CTNNA2: variants seen among roughly 807,000 people sequenced by gnomAD.
CTNNA2 encodes the protein catenin alpha-2.
A neutral mutation model predicts 101.0 loss-of-function variants in CTNNA2; 42 were observed. The observed-to-expected ratio is 0.42, with a 90% CI of 0.32 to 0.54. The LOEUF is 0.54. Among genes scored for constraint, CTNNA2 ranks in the 20% least tolerant of loss-of-function variants. The pLI is 0.14. For synonymous variants in CTNNA2, 450 were observed against 456.4 expected, an observed-to-expected ratio of 0.99 and a Z score of 0.18; for missense variants, 871 against 1,223.1, an observed-to-expected ratio of 0.71 and a Z score of 4.29.
At chr2:80,002,241 A>G (rs1174960551) in intron 7 of CTNNA2, among the ~76,000 whole-genome samples, 13 of 152,174 alleles carry the variant, frequency 8.5e-5, no homozygotes. Context: ...CAACTTTTTA[A>G]TGCCTAAGCA....
At chr2:80,484,770 G>A (rs1686417227) in intron 9 of CTNNA2, among the ~76,000 whole-genome samples, 2 of 152,154 alleles carry the variant, frequency 1.3e-5, no homozygotes, top group Non-Finnish European at 2.9e-5. Flanking sequence ...ACTTTGGGAG[G>A]CCAAGGCGGG....
At chr2:79,835,685 T>TTTTTTTGTTTGTTTG (rs1558565804) in intron 3 of CTNNA2, among the ~76,000 whole-genome samples, 3 of 134,358 alleles carry the variant, frequency 2.2e-5, no homozygotes, top group African/African-American at 8.4e-5. Context: ...TTTTTTTTTT[T>TTTTTTTGTTTGTTTG]TTTTTTTTTT....
chr2:80,277,900 G>T (rs1674050093), intron 7 of CTNNA2, among the ~76,000 whole-genome samples: 1 of 152,080 alleles, frequency 6.6e-6, no homozygotes, highest in South Asian at 2.1e-4. Context: ...TTATTTCATG[G>T]CCTCTGAGTG....
chr2:79,394,695 G>A (rs1162087396), intron 4 of CTNNA2, among the ~76,000 whole-genome samples: 1 of 152,198 alleles, frequency 6.6e-6, no homozygotes, highest in East Asian at 1.9e-4. Flanking sequence ...GTGACACTCA[G>A]TAGTACACAT....
intron 9 of CTNNA2, among the ~76,000 whole-genome samples, chr2:80,433,290 C>A (rs1351494244): frequency 6.6e-6 from 1 of 152,080 alleles, no homozygotes; most frequent in African/African-American, 2.4e-5. Flanking sequence ...AACGTCTTAG[C>A]CTCATCCCCG....
chr2:80,136,029 A>G (rs149456086), intron 7 of CTNNA2, among the ~76,000 whole-genome samples: 1 of 152,312 alleles, frequency 6.6e-6, no homozygotes, highest in African/African-American at 2.4e-5. Flanking sequence ...TTAGTGTGAG[A>G]TACTAAGTAG....
chr2:80,110,376 G>A (rs1005822778), intron 7 of CTNNA2, among the ~76,000 whole-genome samples: 1 of 152,090 alleles, frequency 6.6e-6, no homozygotes, highest in Non-Finnish European at 1.5e-5. Flanking sequence ...AATTTTTTCA[G>A]TTATGTAGCT....
chr2:80,154,583 A>G (rs1703899918), intron 7 of CTNNA2, among the ~76,000 whole-genome samples: 1 of 152,176 alleles, frequency 6.6e-6, no homozygotes, highest in South Asian at 2.1e-4. Context: ...TGGCCTCATA[A>G]AGTGTTCTAG....
intron 1 of CTNNA2, among the ~76,000 whole-genome samples, chr2:79,641,432 G>T (rs1276230470): frequency 1.3e-5 from 2 of 152,102 alleles, no homozygotes; most frequent in Non-Finnish European, 2.9e-5. Flanking sequence ...AGTTACTTTT[G>T]GACTGTAAAG....
At chr2:80,283,653 A>G (rs922960268) in intron 7 of CTNNA2, among the ~76,000 whole-genome samples, 5 of 152,152 alleles carry the variant, frequency 3.3e-5, no homozygotes, top group African/African-American at 1.2e-4. Context: ...ATGAGTTACA[A>G]TAGATGATAA....
intron 7 of CTNNA2, among the ~76,000 whole-genome samples, chr2:79,950,316 G>A: frequency 6.6e-6 from 1 of 152,144 alleles, no homozygotes; most frequent in Non-Finnish European, 1.5e-5. Flanking sequence ...CAATAGTGTG[G>A]TAAATGTAAT....
intron 8 of CTNNA2, among the ~76,000 whole-genome samples, chr2:80,404,262 T>C (rs1450427749): frequency 6.6e-6 from 1 of 152,190 alleles, no homozygotes; most frequent in Non-Finnish European, 1.5e-5. Context: ...TATTGTTTTT[T>C]ATGTGTCTAT....
rs529200587 is a variant in CTNNA2 at position 80,168,973 on chromosome 2, G to A, written c.1057-224238G>A. Reference sequence around the variant, plus strand: ...GAGGAGCACCTATCCTAAGCCATGCGATTTAGAGGCCCCCACTTTGGCCTC... The same window carrying A: ...GAGGAGCACCTATCCTAAGCCATGCAATTTAGAGGCCCCCACTTTGGCCTC... On this transcript the variant is annotated intron_variant, in intron 7 of 18. Transcript: ENST00000402739. Among the ~76,000 whole-genome samples, 48 of 152,270 alleles carry A rather than the reference G, an allele frequency of 3.2e-4. No homozygotes were observed. The East Asian group carries it at 9.1e-3, about 29-fold the overall frequency.
At chr2:79,412,086 G>T (rs1310809160) in intron 4 of CTNNA2, among the ~76,000 whole-genome samples, 1 of 151,918 alleles carries the variant, frequency 6.6e-6, no homozygotes, top group Non-Finnish European at 1.5e-5. Flanking sequence ...AAAGGCAGGG[G>T]TTGCAATCCT....
At chr2:79,945,754 A>G (rs1003829957) in intron 7 of CTNNA2, among the ~76,000 whole-genome samples, 4 of 152,216 alleles carry the variant, frequency 2.6e-5, no homozygotes, top group Non-Finnish European at 5.9e-5. Context: ...TTCTAGAGAA[A>G]TTAATTTATC....
intron 7 of CTNNA2, among the ~76,000 whole-genome samples, chr2:79,928,425 T>C (rs1373413587): frequency 1.3e-5 from 2 of 152,228 alleles, no homozygotes; most frequent in Non-Finnish European, 2.9e-5. Context: ...TCAAGGAAAT[T>C]ATACCTTGTA....
chr2:79,549,283 C>G (rs1673936476), intron 1 of CTNNA2, among the ~76,000 whole-genome samples: 1 of 152,138 alleles, frequency 6.6e-6, no homozygotes, highest in Non-Finnish European at 1.5e-5. Flanking sequence ...TCCCATGGTT[C>G]CTATAACTTT....
At chr2:79,925,185 A>C (rs780786809) in intron 7 of CTNNA2, among the ~76,000 whole-genome samples, 6 of 152,096 alleles carry the variant, frequency 3.9e-5, no homozygotes, top group Non-Finnish European at 7.4e-5. Flanking sequence ...TAAAGGTTAC[A>C]TTTATCTTTT....
In CTNNA2 at chr2:80,214,403, G is replaced by A. The variant is rs575918281; in HGVS notation, c.1057-178808G>A. 4.6e-5 allele frequency among the ~76,000 whole-genome samples: 7 copies of A among 152,200 alleles called. No individual in the cohort carries two copies. In the South Asian group the frequency reaches 1.5e-3, roughly 32 times the overall value. On this transcript the variant is annotated intron_variant, in intron 7 of 18. Coordinates refer to ENST00000402739, the MANE Select transcript of CTNNA2 (RefSeq NM_001282597.3). ...TCCTTCAGGAGCTCTTATAAGGCAG[G>A]CCTGGTGGTGACAAAATCTCTCAGC... is the stretch of plus-strand genomic sequence containing the variant.
Sources: allele counts gnomAD v4.1 joint callset (sites outside exome capture counted in the v4.1 genomes callset), GRCh38; gene constraint gnomAD v4.1.1; transcripts MANE v1.5; gene names NCBI Gene and HGNC (gene_info 2026-07-23, HGNC 2026-07-21).